The following TMEM178B variants were observed in gnomAD, a reference collection of about 807,000 sequenced individuals.
TMEM178B encodes transmembrane protein 178B.
Under a neutral mutation model 31.0 loss-of-function variants are expected in TMEM178B, and 5 were observed. The observed-to-expected ratio is 0.16, with a 90% CI of 0.08 to 0.34. The LOEUF (loss-of-function observed/expected upper bound fraction) is 0.34, where lower values mean the gene tolerates loss of function less well. Ranked by LOEUF, TMEM178B falls within the 10% of genes least tolerant of loss-of-function variation. The pLI is 1.00. For synonymous variants in TMEM178B, 164 were observed against 164.0 expected (o/e 1.00, Z 0.00); for missense variants, 275 against 400.3 (o/e 0.69, Z 2.67).
chr7:141,271,362 C>T (rs1171501808), intron 2 of TMEM178B, among the ~76,000 whole-genome samples: 2 of 152,170 alleles, frequency 1.3e-5, no homozygotes, highest in Non-Finnish European at 2.9e-5. Context: ...AGGCACCATC[C>T]CCAAGTATTT....
At chr7:141,462,698 A>C (rs757937156) in intron 3 of TMEM178B, among the ~76,000 whole-genome samples, 1 of 152,132 alleles carries the variant, frequency 6.6e-6, no homozygotes, top group African/African-American at 2.4e-5. Flanking sequence ...TGTGAATGTG[A>C]AGGAGACGGA....
chr7:141,257,715 T>C (rs767083364), intron 2 of TMEM178B, among the ~76,000 whole-genome samples: 3 of 152,130 alleles, frequency 2.0e-5, no homozygotes, highest in Non-Finnish European at 2.9e-5. Context: ...CTACGGCATA[T>C]AGTGGGGTCT....
chr7:141,212,846 G>T, intron 2 of TMEM178B, 142 bp downstream of exon 2: 1 of 636,462 alleles, frequency 1.6e-6, no homozygotes, highest in South Asian at 2.5e-5. Context: ...CAATATCTTT[G>T]GGTTAGAATT....
chr7:141,300,602 G>A (rs567082503), intron 2 of TMEM178B, among the ~76,000 whole-genome samples: 27 of 152,046 alleles, frequency 1.8e-4, no homozygotes, highest in Non-Finnish European at 3.5e-4. Context: ...CCACCTCTTA[G>A]TTTCTCGGAT....
At chr7:141,412,006 T>G (rs2334) in intron 2 of TMEM178B, among the ~76,000 whole-genome samples, 47,782 of 151,988 alleles carry the variant, frequency 0.31, 7,823 homozygotes, top group East Asian at 0.43. Context: ...CTGCAGAAAC[T>G]GTGACTCAGT....
intron 1 of TMEM178B, among the ~76,000 whole-genome samples, chr7:141,130,516 T>C (rs1336794898): frequency 6.6e-6 from 1 of 152,208 alleles, no homozygotes; most frequent in Non-Finnish European, 1.5e-5. Context: ...CAGCAGTTTG[T>C]TCTTTTTATT....
intron 3 of TMEM178B, among the ~76,000 whole-genome samples, chr7:141,460,305 G>A (rs535408554): frequency 3.9e-5 from 6 of 152,284 alleles, no homozygotes; most frequent in Non-Finnish European, 5.9e-5. Context: ...GCACAAGGCC[G>A]TCCCTCTGCG....
rs552569756 is a variant in TMEM178B, at chr7:141,097,793, CTTTT to C, written c.382+23115_382+23118del. Among the ~76,000 whole-genome samples, 150 of 125,926 alleles carry C rather than the reference CTTTT, an allele frequency of 1.2e-3. 1 individual carries two copies. The highest frequency in any genetic ancestry group is 3.4e-3 in the South Asian group (13 of 3,862). The allele number at this position is 125,926 out of a possible 152,430, so 82.6% of individuals were successfully genotyped here. ...ATGTTTCTTTTCTTTTTCTTTCTTT[CTTTT>C]TTTTTTTTTTTTTGAGACAAAGTCT... On this transcript the variant is annotated intron_variant, in intron 1 of 3. Transcript: ENST00000565468.
chr7:141,252,426 G>A (rs556937406), intron 2 of TMEM178B, among the ~76,000 whole-genome samples: 1 of 152,332 alleles, frequency 6.6e-6, no homozygotes, highest in South Asian at 2.1e-4. Flanking sequence ...AACGAGGGAG[G>A]CATGTGAAAT....
Position 141,192,017 on chromosome 7 carries a change from G to A in TMEM178B, c.383-20574G>A, listed in dbSNP as rs141171496. On this transcript the variant is annotated intron_variant, in intron 1 of 3. Coordinates refer to ENST00000565468, the MANE Select transcript of TMEM178B (RefSeq NM_001195278.2). Reference sequence around the variant, plus strand: ...TACCCTGGTTTAAGGTGCAAGGTGTGCCTTCAATTTTATCTTATTTTTCCC... The same window carrying A: ...TACCCTGGTTTAAGGTGCAAGGTGTACCTTCAATTTTATCTTATTTTTCCC... 2.3e-3 allele frequency among the ~76,000 whole-genome samples: 354 copies of A among 152,242 alleles called. 2 individuals are homozygous for A. Among genetic ancestry groups the A allele is most frequent in the African/African-American group, 8.0e-3 (334 of 41,540 alleles).
chr7:141,138,127 T>C lies in TMEM178B; in HGVS notation c.382+63435T>C, dbSNP rs561549279. 4.4e-3 allele frequency among the ~76,000 whole-genome samples: 670 copies of C among 151,616 alleles called. 6 individuals are homozygous for C. The Middle Eastern group carries it at 0.044, about 10-fold the overall frequency. On this transcript the variant is annotated intron_variant, in intron 1 of 3. Transcript: ENST00000565468. The stretch of plus-strand genomic sequence containing the variant: ...CCCAGGCTGGAGTGCAGTGGCGCCA[T>C]CTCGGCTCACTGCAAGCTCCACCTC...
intron 1 of TMEM178B, among the ~76,000 whole-genome samples, chr7:141,127,661 A>T (rs1795522134): frequency 6.6e-6 from 1 of 152,174 alleles, no homozygotes. Flanking sequence ...TCTGGCCTCC[A>T]GAATTGTGAG....
intron 2 of TMEM178B, among the ~76,000 whole-genome samples, chr7:141,351,817 T>C (rs539081484): frequency 6.6e-6 from 1 of 152,244 alleles, no homozygotes; most frequent in Admixed American, 6.5e-5. Flanking sequence ...TTTTTAGAGA[T>C]AAGAAATGAA....
At position 141,202,265 on chromosome 7, in the gene TMEM178B, C is replaced by G. The variant is rs918394536; in HGVS notation, c.383-10326C>G. 2.0e-5 allele frequency among the ~76,000 whole-genome samples: 3 copies of G among 148,874 alleles called. No homozygotes were observed. The Admixed American group carries it at 2.1e-4, about 10-fold the overall frequency. On this transcript the variant is annotated intron_variant, in intron 1 of 3. Transcript: ENST00000565468. ...AGCTCCTCTATCTCAGAGCTTTTAC[C>G]ATAGATAGAAATACCTGATGAATAT...
intron 1 of TMEM178B, among the ~76,000 whole-genome samples, chr7:141,186,456 C>T (rs1045357445): frequency 2.6e-5 from 4 of 152,224 alleles, no homozygotes; most frequent in South Asian, 2.1e-4. Context: ...CTTCCCCATC[C>T]GCTGTCTCTA....
chr7:141,225,024 G>A (rs1162485762), intron 2 of TMEM178B, among the ~76,000 whole-genome samples: 1 of 152,210 alleles, frequency 6.6e-6, no homozygotes, highest in African/African-American at 2.4e-5. Context: ...TCCTTGCAGG[G>A]AGGTCTGGAA....
At chr7:141,388,214 C>G (rs1195111008) in intron 2 of TMEM178B, among the ~76,000 whole-genome samples, 1 of 152,158 alleles carries the variant, frequency 6.6e-6, no homozygotes, top group Admixed American at 6.5e-5. Context: ...TTTGGCTCCT[C>G]CAGACTTGCC....
At chr7:141,415,557 A>G (rs967330557) in intron 2 of TMEM178B, 4 of 152,690 alleles carry the variant, frequency 2.6e-5, no homozygotes, top group Non-Finnish European at 4.4e-5. Flanking sequence ...GTCAGAGCAG[A>G]GGCAGCATCT....
intron 2 of TMEM178B, among the ~76,000 whole-genome samples, chr7:141,399,483 T>C (rs762189993): frequency 8.5e-5 from 13 of 152,234 alleles, no homozygotes; most frequent in Non-Finnish European, 1.8e-4. Context: ...TTTCATAACA[T>C]TCCAGTATAG....
Sources: allele counts gnomAD v4.1 joint callset (sites outside exome capture counted in the v4.1 genomes callset), GRCh38; gene constraint gnomAD v4.1.1; transcripts MANE v1.5; gene names NCBI Gene and HGNC (gene_info 2026-07-23, HGNC 2026-07-21).